Variants in XPO6 observed in about 807,000 individuals in gnomAD.
XPO6 encodes the protein exportin-6.
In XPO6, 3 loss-of-function variants were observed where a neutral mutation model predicts 130.0. The observed-to-expected ratio is 0.02, with a 90% CI of 0.01 to 0.06. The LOEUF is 0.06. Ranked by LOEUF, XPO6 falls within the 10% of genes least tolerant of loss-of-function variation. XPO6 has a pLI of 1.00. For synonymous variants in XPO6, 524 were observed against 548.9 expected, an observed-to-expected ratio of 0.95 and a Z score of 0.63; for missense variants, 970 against 1,393.0, an observed-to-expected ratio of 0.70 and a Z score of 4.83.
intron 1 of XPO6, 28 bp downstream of exon 1, chr16:28,211,338 G>A (rs1434147062): frequency 1.5e-6 from 2 of 1,311,998 alleles, no homozygotes; most frequent in Non-Finnish European, 2.0e-6. Flanking sequence ...GGCACCCCAG[G>A]AGGGAAGGGG....
chr16:28,139,645 A>C (rs557893447), intron 9 of XPO6, among the ~76,000 whole-genome samples: 30 of 152,308 alleles, frequency 2.0e-4, no homozygotes, highest in Non-Finnish European at 2.5e-4. Flanking sequence ...AAAGGACTCT[A>C]ATCTATATGG....
chr16:28,115,312 C>T (rs2087027552), intron 15 of XPO6, among the ~76,000 whole-genome samples: 1 of 152,124 alleles, frequency 6.6e-6, no homozygotes, highest in African/African-American at 2.4e-5. Context: ...ACTTGAAAGC[C>T]AAAATTACCC....
At chr16:28,155,354 C>G (rs777336322) in intron 7 of XPO6, among the ~76,000 whole-genome samples, 1 of 151,878 alleles carries the variant, frequency 6.6e-6, no homozygotes. Flanking sequence ...TGTTTTCATA[C>G]AGCAGCAGTT....
Position 28,132,264 on chromosome 16 carries a change from G to T in XPO6, c.1606+70C>A. 2 of 1,161,470 alleles carry T rather than the reference G, an allele frequency of 1.7e-6. No individual in the cohort carries two copies. Among genetic ancestry groups the T allele is most frequent in the Non-Finnish European group, 2.5e-6 (2 of 794,606 alleles). The allele number at this position is 1,161,470 out of a possible 1,614,324, so 71.9% of individuals were successfully genotyped here. A position where few individuals can be genotyped will look rare whatever the true frequency, so the allele number is the denominator to read the frequency against. ...AAATCATGTTCCGACAGCAACGGCA[G>T]CAGTAATGAAATATCAGTCCGATGG... On this transcript the variant is annotated intron_variant, in intron 12 of 23. Transcript: ENST00000304658. The surrounding 1 kb of genome is among the most constrained non-coding windows in gnomAD (Gnocchi z 4.0).
At chr16:28,171,342 A>G (rs1404511121) in intron 4 of XPO6, among the ~76,000 whole-genome samples, 1 of 151,478 alleles carries the variant, frequency 6.6e-6, no homozygotes, top group Non-Finnish European at 1.5e-5. Flanking sequence ...AGTCCCAGCT[A>G]CTCAGGAGGC....
chr16:28,151,330 A>C (rs1408061935), intron 8 of XPO6, among the ~76,000 whole-genome samples: 1 of 152,214 alleles, frequency 6.6e-6, no homozygotes, highest in Non-Finnish European at 1.5e-5. Context: ...TAAGCACTGG[A>C]AGCAGCCAAA....
At chr16:28,128,030 A>G (rs538658247) in intron 12 of XPO6, among the ~76,000 whole-genome samples, 37 of 152,282 alleles carry the variant, frequency 2.4e-4, no homozygotes, top group Non-Finnish European at 3.5e-4. Flanking sequence ...TCACGGAACC[A>G]ATGAACTGAG....
At chr16:28,127,790 G>A (rs1048431087) in intron 12 of XPO6, among the ~76,000 whole-genome samples, 2 of 152,214 alleles carry the variant, frequency 1.3e-5, no homozygotes, top group Admixed American at 1.3e-4. Context: ...GCAGGAGAAC[G>A]AAAGAAGAGG....
intron 6 of XPO6, among the ~76,000 whole-genome samples, chr16:28,163,167 G>A (rs772498702): frequency 6.6e-6 from 1 of 152,198 alleles, no homozygotes; most frequent in African/African-American, 2.4e-5. Flanking sequence ...CTCTATTCAA[G>A]GAGCCCCTGG....
At chr16:28,146,264 CACACA>C in intron 8 of XPO6, 61 bp from the exon 9 acceptor site, 1 of 1,180,386 alleles carries the variant, frequency 8.5e-7, no homozygotes, top group Non-Finnish European at 1.3e-6. Context: ...CTTAGAAACA[CACACA>C]TGCCAGTGTT....
Position 28,135,269 on chromosome 16 carries a change from T to C in XPO6, c.1390A>G (p.Arg464Gly). ...LTEVLNRIQF[R>G]YNQAQLEELD... ...TCCTCCAGCTGGGCTTGGTTGTATCTGAACTGGATTCGATTCAACACCTCT... is the reference window on the plus strand; with the variant it reads ...TCCTCCAGCTGGGCTTGGTTGTATCCGAACTGGATTCGATTCAACACCTCT... The change falls in exon 10 of 24, where the codon AGA becomes GGA. Residue 464 changes from arginine to glycine, a missense_variant. By Grantham distance (125) the Arg-to-Gly change is moderately radical. This residue lies in a region of XPO6 where 936 missense variants were observed against 1,306.8 expected (regional missense o/e 0.72). Coordinates refer to ENST00000304658, the MANE Select transcript of XPO6 (RefSeq NM_015171.4). 1 of 1,614,092 alleles carries C rather than the reference T, an allele frequency of 6.2e-7. No individual in the cohort carries two copies. Among genetic ancestry groups the C allele is most frequent in the Non-Finnish European group, 8.5e-7 (1 of 1,179,976 alleles).
chr16:28,117,228 G>A, intron 15 of XPO6, 90 bp downstream of exon 15: 1 of 1,522,104 alleles, frequency 6.6e-7, no homozygotes. Flanking sequence ...CTAACTCTGT[G>A]TCATATTTAG....
rs142056036 is a variant in XPO6 at position 28,129,111 on chromosome 16, C to T, written c.1606+3223G>A. 6.7e-3 allele frequency among the ~76,000 whole-genome samples: 1,023 copies of T among 152,306 alleles called. 6 individuals are homozygous for T. The highest frequency in any genetic ancestry group is 0.011 in the Admixed American group (174 of 15,302). On this transcript the variant is annotated intron_variant, in intron 12 of 23. Transcript: ENST00000304658. ...TGACACTTGATCACTTCTGACCCAA[C>T]AAAACTGCAATTCCATACAGTTCCA... is the stretch of plus-strand genomic sequence containing the variant.
intron 6 of XPO6, among the ~76,000 whole-genome samples, chr16:28,164,675 G>T (rs1367398765): frequency 6.6e-6 from 1 of 152,094 alleles, no homozygotes; most frequent in Non-Finnish European, 1.5e-5. Context: ...ATTTTATTCC[G>T]CTTAGCCGCA....
intron 20 of XPO6, 86 bp from the exon 21 acceptor site, chr16:28,104,793 C>A: frequency 1.3e-6 from 2 of 1,486,522 alleles, no homozygotes; most frequent in Non-Finnish European, 1.8e-6. Context: ...CTAGGAGACG[C>A]CTCGTGACAG....
chr16:28,169,545 A>T (rs2043416214), intron 5 of XPO6, among the ~76,000 whole-genome samples: 1 of 152,232 alleles, frequency 6.6e-6, no homozygotes, highest in Admixed American at 6.5e-5. Flanking sequence ...TTCGTGAAAG[A>T]CTACGAGGAA....
intron 14 of XPO6, among the ~76,000 whole-genome samples, chr16:28,121,342 A>G (rs2087231789): frequency 6.6e-6 from 1 of 152,178 alleles, no homozygotes. Flanking sequence ...CATTAGTCCC[A>G]ACACACCTAT....
At chr16:28,152,934 A>G (rs2043120679) in intron 7 of XPO6, 149 bp from the exon 8 acceptor site, 2 of 1,358,938 alleles carry the variant, frequency 1.5e-6, no homozygotes, top group East Asian at 3.2e-5. Flanking sequence ...AATTACCTAC[A>G]GGACAGGCAA....
intron 6 of XPO6, among the ~76,000 whole-genome samples, chr16:28,158,727 C>T (rs1044713479): frequency 2.6e-5 from 4 of 152,116 alleles, no homozygotes; most frequent in Non-Finnish European, 4.4e-5. Context: ...GTCAGAAATA[C>T]AAATCATCAG....
Sources: gnomAD v4.1 joint callset for allele counts (sites outside exome capture counted in the v4.1 genomes callset) on GRCh38, gnomAD v4.1.1 for gene constraint, gnomAD v4.1.1 regional missense constraint, Gnocchi (gnomAD v3.1) non-coding constraint, MANE v1.5 for transcripts, NCBI Gene and HGNC (gene_info 2026-07-23, HGNC 2026-07-21) for gene names.